The following LRRC4C variants were observed in gnomAD, a reference collection of about 807,000 sequenced individuals.
LRRC4C encodes the protein leucine rich repeat containing 4C.
A neutral mutation model predicts 33.6 loss-of-function variants in LRRC4C; 5 were observed. The observed-to-expected ratio is 0.15, with a 90% CI of 0.08 to 0.31. The LOEUF (loss-of-function observed/expected upper bound fraction) is 0.31, where lower values mean the gene tolerates loss of function less well. LRRC4C is among the 10% of genes least tolerant of loss of function. LRRC4C has a pLI of 1.00. For synonymous variants in LRRC4C, 329 were observed against 302.0 expected, an observed-to-expected ratio of 1.09 and a Z score of -0.93; for missense variants, 560 against 796.7, an observed-to-expected ratio of 0.70 and a Z score of 3.58.
intron 1 of LRRC4C, among the ~76,000 whole-genome samples, chr11:41,295,678 C>G (rs565586038): frequency 6.6e-6 from 1 of 151,886 alleles, no homozygotes; most frequent in Admixed American, 6.6e-5. Context: ...TTCAAGCCTT[C>G]ACAGATCACA....
At chr11:41,254,816 T>C (rs1948748735) in intron 1 of LRRC4C, among the ~76,000 whole-genome samples, 2 of 152,062 alleles carry the variant, frequency 1.3e-5, no homozygotes, top group South Asian at 2.1e-4. Context: ...TTTAAAATGC[T>C]TCTAACCATT....
At chr11:40,900,893 A>T (rs755115351) in intron 2 of LRRC4C, among the ~76,000 whole-genome samples, 78 of 152,056 alleles carry the variant, frequency 5.1e-4, no homozygotes, top group Non-Finnish European at 9.1e-4. Context: ...TATCAATAAT[A>T]TGATTGTATC....
intron 2 of LRRC4C, among the ~76,000 whole-genome samples, chr11:40,774,589 G>C (rs1949902693): frequency 6.6e-6 from 1 of 152,130 alleles, no homozygotes; most frequent in South Asian, 2.1e-4. Flanking sequence ...AAAGTTGAGA[G>C]AAGAGTTAAA....
chr11:40,941,597 A>G (rs12222225), intron 1 of LRRC4C, among the ~76,000 whole-genome samples: 54,617 of 152,018 alleles, frequency 0.36, 11,660 homozygotes, highest in East Asian at 0.53. Context: ...TCTTTGCATT[A>G]GTAACACTAA....
chr11:41,215,066 GA>G (rs1946997430), intron 1 of LRRC4C, among the ~76,000 whole-genome samples: 1 of 146,414 alleles, frequency 6.8e-6, no homozygotes, highest in Non-Finnish European at 1.5e-5. Context: ...GGTTTACTGA[GA>G]TATAATTTAT....
At chr11:41,105,409 T>C (rs1367252031) in intron 1 of LRRC4C, among the ~76,000 whole-genome samples, 1 of 152,062 alleles carries the variant, frequency 6.6e-6, no homozygotes, top group African/African-American at 2.4e-5. Context: ...TAATCTATTA[T>C]ATTAATATAT....
intron 2 of LRRC4C, among the ~76,000 whole-genome samples, chr11:40,701,468 A>G (rs924475121): frequency 6.6e-6 from 1 of 151,842 alleles, no homozygotes; most frequent in African/African-American, 2.4e-5. Context: ...AAAACAATTT[A>G]TATTTTTATT....
intron 1 of LRRC4C, among the ~76,000 whole-genome samples, chr11:41,378,599 G>A (rs1172367301): frequency 6.6e-6 from 1 of 152,078 alleles, no homozygotes; most frequent in Non-Finnish European, 1.5e-5. Context: ...TTTATCCTTT[G>A]GGAATTCAGG....
intron 1 of LRRC4C, among the ~76,000 whole-genome samples, chr11:41,251,101 C>A (rs1948624666): frequency 6.6e-6 from 1 of 152,166 alleles, no homozygotes; most frequent in South Asian, 2.1e-4. Context: ...AATACAAAAC[C>A]CCAAACCTCA....
At chr11:40,160,887 T>C (rs1440556327) in intron 5 of LRRC4C, among the ~76,000 whole-genome samples, 1 of 152,174 alleles carries the variant, frequency 6.6e-6, no homozygotes, top group Non-Finnish European at 1.5e-5. Context: ...TAGAAGACTA[T>C]GTGACAACAT....
chr11:40,839,387 A>T (rs1952816061), intron 2 of LRRC4C, among the ~76,000 whole-genome samples: 1 of 152,094 alleles, frequency 6.6e-6, no homozygotes, highest in Non-Finnish European at 1.5e-5. Flanking sequence ...CTGGGATTAC[A>T]GACACCCACC....
chr11:40,500,923 T>C (rs2138622041), intron 3 of LRRC4C, among the ~76,000 whole-genome samples: 1 of 152,268 alleles, frequency 6.6e-6, no homozygotes, highest in Admixed American at 6.5e-5. Context: ...CTTCCACCTA[T>C]GAGCCTGTAA....
At chr11:40,350,965 AGTTTT>A (rs565151053) in intron 3 of LRRC4C, among the ~76,000 whole-genome samples, 147 of 152,128 alleles carry the variant, frequency 9.7e-4, no homozygotes, top group South Asian at 9.3e-3. Context: ...TGAATTTATT[AGTTTT>A]AACAGTTTTT....
chr11:40,845,915 A>G (rs1407106968), intron 2 of LRRC4C, among the ~76,000 whole-genome samples: 1 of 151,644 alleles, frequency 6.6e-6, no homozygotes, highest in Non-Finnish European at 1.5e-5. Context: ...TCTGATTTGA[A>G]TTTTTCTAAT....
rs1952992337 is a variant in LRRC4C, at chr11:41,377,775, C to T, written c.-496+81656G>A. 2.6e-5 allele frequency among the ~76,000 whole-genome samples: 4 copies of T among 152,092 alleles called. 1 individual carries two copies. In the South Asian group the frequency reaches 8.3e-4, roughly 31 times the overall value. On this transcript the variant is annotated intron_variant, in intron 1 of 6. Transcript: ENST00000528697. The stretch of plus-strand genomic sequence containing the variant: ...TGCCTTGGTGTGGCCTACTGGGGAC[C>T]AAACAACTATTACAGTCAAGGACAA...
intron 2 of LRRC4C, among the ~76,000 whole-genome samples, chr11:40,685,335 G>A (rs886434600): frequency 3.3e-5 from 5 of 151,914 alleles, no homozygotes; most frequent in African/African-American, 1.2e-4. Flanking sequence ...CTTTTTGTGT[G>A]AATGAAAACA....
At chr11:40,778,269 C>A (rs952596244) in intron 2 of LRRC4C, among the ~76,000 whole-genome samples, 1 of 152,172 alleles carries the variant, frequency 6.6e-6, no homozygotes, top group African/African-American at 2.4e-5. Context: ...ATTCCCTTAG[C>A]ATCATTTTTA....
At chr11:40,281,650 G>T (rs1943482369) in intron 4 of LRRC4C, among the ~76,000 whole-genome samples, 2 of 152,036 alleles carry the variant, frequency 1.3e-5, no homozygotes, top group Non-Finnish European at 2.9e-5. Context: ...CATGTCCATT[G>T]CCCTGAAATT....
intron 3 of LRRC4C, among the ~76,000 whole-genome samples, chr11:40,535,415 G>A (rs1201119205): frequency 6.6e-6 from 1 of 152,042 alleles, no homozygotes; most frequent in African/African-American, 2.4e-5. Flanking sequence ...CACCCTTTAG[G>A]GTGTCCTTGA....
Sources: allele counts gnomAD v4.1 joint callset (sites outside exome capture counted in the v4.1 genomes callset), GRCh38; gene constraint gnomAD v4.1.1; transcripts MANE v1.5; gene names NCBI Gene and HGNC (gene_info 2026-07-23, HGNC 2026-07-21).